OSBPL11: variants seen among roughly 807,000 people sequenced by gnomAD.
The protein encoded by OSBPL11 is oxysterol-binding protein-related protein 11.
Under a neutral mutation model 84.4 loss-of-function variants are expected in OSBPL11, and 33 were observed. The ratio of observed to expected loss-of-function variants is 0.39; its 90% CI spans 0.30 to 0.52. The LOEUF (loss-of-function observed/expected upper bound fraction) is 0.52, where lower values mean the gene tolerates loss of function less well. OSBPL11 is among the 20% of genes least tolerant of loss of function. The probability of loss-of-function intolerance (pLI) is 0.72; values close to 1 mark genes in which losing one functional copy is unlikely to be tolerated. For missense variants in OSBPL11, 736 were observed against 901.1 expected (o/e 0.82, Z 2.35); for synonymous variants, 276 against 310.2 (o/e 0.89, Z 1.16).
At position 125,594,962 on chromosome 3, in the gene OSBPL11, C is replaced by A. The variant is rs1936658494; in HGVS notation, c.-162G>T. Reference sequence around the variant, plus strand: ...TCAAATGGTCCAGAAAAGGAAGATACACATTCCCACAGAAGTTAAACTTTT... The same window carrying A: ...TCAAATGGTCCAGAAAAGGAAGATAAACATTCCCACAGAAGTTAAACTTTT... On this transcript the variant is annotated 5_prime_UTR_variant, in exon 1 of 13. Transcript: ENST00000296220. 6 of 688,554 alleles carry A rather than the reference C, an allele frequency of 8.7e-6. No homozygotes were observed. The highest frequency in any genetic ancestry group is 1.4e-5 in the Non-Finnish European group (6 of 423,326). The allele number at this position is 688,554 out of a possible 1,614,324, so 42.7% of individuals were successfully genotyped here. A position where few individuals can be genotyped will look rare whatever the true frequency, so the allele number is the denominator to read the frequency against.
rs1935678510 is a variant in OSBPL11, at chr3:125,538,647, GA to G, written c.1842-15del. 1.3e-6 allele frequency: 2 copies of G among 1,591,738 alleles called. No homozygotes were observed. Among genetic ancestry groups the G allele is most frequent in the African/African-American group, 1.3e-5 (1 of 74,156 alleles). The stretch of plus-strand genomic sequence containing the variant: ...TCAGCTGTAACCCTAGAAGCAGACA[GA>G]AAAGAAAGATATGCTCTAATAAGTG... On this transcript the variant is annotated splice_polypyrimidine_tract_variant and intron_variant, in intron 10 of 12. Transcript: ENST00000296220.
intron 10 of OSBPL11, among the ~76,000 whole-genome samples, chr3:125,546,347 T>C (rs1291071710): frequency 6.6e-6 from 1 of 151,832 alleles, no homozygotes; most frequent in East Asian, 1.9e-4. Flanking sequence ...TTTCTTTTTT[T>C]TTTGAGACGG....
intron 5 of OSBPL11, among the ~76,000 whole-genome samples, 182 bp downstream of exon 5, chr3:125,576,007 A>T (rs1236376654): frequency 1.3e-5 from 2 of 150,044 alleles, no homozygotes; most frequent in Non-Finnish European, 3.0e-5. Context: ...CGTGACAGAC[A>T]TGAGGAAACT....
At chr3:125,547,884 A>G (rs901142897) in intron 9 of OSBPL11, among the ~76,000 whole-genome samples, 2 of 150,336 alleles carry the variant, frequency 1.3e-5, no homozygotes, top group African/African-American at 4.9e-5. Flanking sequence ...CCTAAAAATA[A>G]TTTTTTTTTT....
At chr3:125,533,432 C>T (rs1935592490) in intron 11 of OSBPL11, among the ~76,000 whole-genome samples, 1 of 152,036 alleles carries the variant, frequency 6.6e-6, no homozygotes. Flanking sequence ...ATCATGTTGG[C>T]CAGGCTGGTC....
chr3:125,578,345 G>T (rs2979378), intron 4 of OSBPL11, among the ~76,000 whole-genome samples: 85,485 of 151,944 alleles, frequency 0.56, 25,635 homozygotes, highest in African/African-American at 0.79. Flanking sequence ...GAATAGAAAA[G>T]AGAGTTTGCT....
Position 125,576,354 on chromosome 3 carries a change from A to G in OSBPL11, c.501T>C (p.Pro167=). Residue 167 remains proline (P), a synonymous_variant, in exon 5 of 13, where the codon CCT becomes CCC. Transcript: ENST00000296220. Reference sequence around the variant, plus strand: ...CAAGTGAGAAGCTCCGTGACTTCAGAGGAGGATTATTCTGTTAGACAAAGA... The same window carrying G: ...CAAGTGAGAAGCTCCGTGACTTCAGGGGAGGATTATTCTGTTAGACAAAGA... The part of the protein sequence containing the change: ...HTEAIGKNNP[P]LKSRSFSLAS... 1 of 1,580,734 alleles carries G rather than the reference A, an allele frequency of 6.3e-7. No individual in the cohort carries two copies. The highest frequency in any genetic ancestry group is 1.2e-5 in the South Asian group (1 of 84,536).
chr3:125,550,417 A>C lies in OSBPL11; in HGVS notation c.1654+1764T>G, dbSNP rs577364880. On this transcript the variant is annotated intron_variant, in intron 9 of 12. Transcript: ENST00000296220. ...CACACACACACACACAACAAACAAA[A>C]AAAAAAAAAGAGAGTACTTTCTAAT... Among the ~76,000 whole-genome samples, 528 of 148,924 alleles carry C rather than the reference A, an allele frequency of 3.5e-3. 2 individuals are homozygous for C. Among genetic ancestry groups the C allele is most frequent in the Middle Eastern group, 0.014 (4 of 292 alleles).
chr3:125,537,633 T>C (rs1171388904), intron 11 of OSBPL11, among the ~76,000 whole-genome samples: 1 of 152,222 alleles, frequency 6.6e-6, no homozygotes, highest in Non-Finnish European at 1.5e-5. Flanking sequence ...TTGGTTCTAT[T>C]TATGTGATCT....
At position 125,557,184 on chromosome 3, in the gene OSBPL11, T is replaced by C. The variant is rs1170399233; in HGVS notation, c.1155+3195A>G. Among the ~76,000 whole-genome samples, 3 of 152,192 alleles carry C rather than the reference T, an allele frequency of 2.0e-5. No individual in the cohort carries two copies. The East Asian group carries it at 5.8e-4, about 29-fold the overall frequency. ...TAATATTATTTAAAAAGAAACAAAA[T>C]GAACAGTAGGAAAATGCATATTACT... On this transcript the variant is annotated intron_variant, in intron 8 of 12. Coordinates refer to ENST00000296220, the MANE Select transcript of OSBPL11 (RefSeq NM_022776.5).
intron 11 of OSBPL11, among the ~76,000 whole-genome samples, chr3:125,537,674 AT>A (rs1000710796): frequency 2.0e-5 from 3 of 151,780 alleles, no homozygotes; most frequent in Non-Finnish European, 2.9e-5. Flanking sequence ...TTCCCTGTAT[AT>A]TTTTTTTCTA....
intron 3 of OSBPL11, among the ~76,000 whole-genome samples, chr3:125,579,250 A>G (rs956873706): frequency 6.6e-6 from 1 of 152,228 alleles, no homozygotes; most frequent in Non-Finnish European, 1.5e-5. Context: ...CATTAAAAGG[A>G]GAAATTACAT....
chr3:125,529,615 C>T lies in OSBPL11; in HGVS notation c.*900G>A, dbSNP rs973274547. The T allele has an allele frequency of 2.6e-5, 4 of 152,370 alleles. No homozygotes were observed. The highest frequency in any genetic ancestry group is 9.7e-5 in the African/African-American group (4 of 41,364). The allele number at this position is 152,370 out of a possible 1,614,324, so 9.4% of individuals were successfully genotyped here. ...ATAACACATAATACTGGATATTAAC[C>T]TAAAGGTGAAAAGAAAGAAGGAAAA... On this transcript the variant is annotated 3_prime_UTR_variant, in exon 13 of 13. Coordinates refer to ENST00000296220, the MANE Select transcript of OSBPL11 (RefSeq NM_022776.5).
intron 5 of OSBPL11, among the ~76,000 whole-genome samples, chr3:125,573,878 A>G (rs948406152): frequency 6.2e-5 from 9 of 144,022 alleles, no homozygotes; most frequent in African/African-American, 2.2e-4. Flanking sequence ...GTCTCAAAAA[A>G]AAAAAAAAAA....
In OSBPL11 at chr3:125,557,833, C is replaced by T. The variant is rs115859094; in HGVS notation, c.1155+2546G>A. Among the ~76,000 whole-genome samples the T allele has an allele frequency of 5.9e-3, 790 of 133,676 alleles. 9 individuals are homozygous for T. The highest frequency in any genetic ancestry group is 0.022 in the African/African-American group (751 of 34,466). The allele number at this position is 133,676 out of a possible 152,430, so 87.7% of individuals were successfully genotyped here. A position where few individuals can be genotyped will look rare whatever the true frequency, so the allele number is the denominator to read the frequency against. On this transcript the variant is annotated intron_variant, in intron 8 of 12. Transcript: ENST00000296220. ...TTTTTTTTGAGACAGGGTCTCGCTC[C>T]GTTGACCAGGCTGGCAGTGGCACAA...
chr3:125,586,664 G>A (rs1936516055), intron 1 of OSBPL11, among the ~76,000 whole-genome samples: 1 of 151,896 alleles, frequency 6.6e-6, no homozygotes, highest in South Asian at 2.1e-4. Flanking sequence ...AGGTGCGTGT[G>A]TGCCACCATG....
At chr3:125,538,273 A>G (rs926740030) in intron 11 of OSBPL11, among the ~76,000 whole-genome samples, 178 bp downstream of exon 11, 22 of 152,224 alleles carry the variant, frequency 1.4e-4, no homozygotes, top group African/African-American at 5.3e-4. Context: ...ATGTGACTGT[A>G]TATCAAAGAA....
chr3:125,532,555 G>A (rs78040754), intron 11 of OSBPL11, among the ~76,000 whole-genome samples: 8,222 of 148,992 alleles, frequency 0.055, 319 homozygotes, highest in African/African-American at 0.12. Flanking sequence ...CACAGGGAGA[G>A]GGAAGCTTAA....
intron 1 of OSBPL11, among the ~76,000 whole-genome samples, chr3:125,593,153 C>T (rs1162297056): frequency 1.3e-5 from 2 of 152,176 alleles, no homozygotes; most frequent in East Asian, 1.9e-4. Flanking sequence ...GCCGCGGCGG[C>T]GCCCCACCCA....
Sources: allele counts gnomAD v4.1 joint callset (sites outside exome capture counted in the v4.1 genomes callset), GRCh38; gene constraint gnomAD v4.1.1; transcripts MANE v1.5; gene names NCBI Gene and HGNC (gene_info 2026-07-23, HGNC 2026-07-21).